The following VPS35L variants were observed in gnomAD, a reference collection of about 807,000 sequenced individuals.
The protein encoded by VPS35L is VPS35 endosomal protein sorting factor like, also known as VPS35 endosomal protein-sorting factor-like.
VPS35L carries 83 observed loss-of-function variants against 133.0 expected under a neutral mutation model. That is an observed-to-expected ratio of 0.62 (90% CI 0.52 to 0.75). The LOEUF (loss-of-function observed/expected upper bound fraction) is 0.75. VPS35L is among the 30% of genes least tolerant of loss of function. The pLI, the probability that VPS35L is intolerant of heterozygous loss-of-function variation, is 0.00. For synonymous variants in VPS35L, 423 were observed against 449.9 expected, an observed-to-expected ratio of 0.94 and a Z score of 0.76; for missense variants, 1,083 against 1,206.8, an observed-to-expected ratio of 0.90 and a Z score of 1.52.
chr16:19,584,204 C>G (rs1971792788), intron 7 of VPS35L, among the ~76,000 whole-genome samples: 1 of 152,192 alleles, frequency 6.6e-6, no homozygotes, highest in South Asian at 2.1e-4. Context: ...ATTTTCTTTT[C>G]TTTAGATGAT....
At position 19,580,565 on chromosome 16, in the gene VPS35L, G is replaced by A. The variant is rs148651205; in HGVS notation, c.511-960G>A. On this transcript the variant is annotated intron_variant, in intron 6 of 30. Transcript: ENST00000417362. ...CTTAACAATAGCCCAGGGTTAAGGA[G>A]CATTTACTGTGCGTCAGGGACCGTG... 4.6e-5 allele frequency among the ~76,000 whole-genome samples: 7 copies of A among 152,266 alleles called. No homozygotes were observed. The East Asian group carries it at 1.4e-3, about 29-fold the overall frequency.
chr16:19,588,045 C>G (rs1971927093), intron 7 of VPS35L, among the ~76,000 whole-genome samples: 1 of 151,486 alleles, frequency 6.6e-6, no homozygotes, highest in South Asian at 2.1e-4. Context: ...AGTGATCCAC[C>G]CACCTCGGCC....
At chr16:19,657,969 T>C (rs1974359011) in intron 26 of VPS35L, among the ~76,000 whole-genome samples, 1 of 152,140 alleles carries the variant, frequency 6.6e-6, no homozygotes, top group Non-Finnish European at 1.5e-5. Flanking sequence ...GCAGGGCAGA[T>C]GGCATCAAGC....
intron 9 of VPS35L, among the ~76,000 whole-genome samples, chr16:19,602,663 C>T (rs965525832): frequency 6.6e-5 from 10 of 152,092 alleles, no homozygotes; most frequent in Admixed American, 5.2e-4. Flanking sequence ...AGGGCAGTGG[C>T]ACAATCTTGG....
intron 2 of VPS35L, among the ~76,000 whole-genome samples, chr16:19,567,970 C>CAA (rs35555593): frequency 2.3e-4 from 26 of 113,180 alleles, no homozygotes; most frequent in Non-Finnish European, 4.6e-4. Context: ...ACCCTGTCTC[C>CAA]AAAAAAAAAA....
chr16:19,699,596 T>C lies in VPS35L; in HGVS notation c.2741T>C (p.Val914Ala), dbSNP rs1230505409. The C allele has an allele frequency of 6.2e-7, 1 of 1,614,120 alleles. No homozygotes were observed. The highest frequency in any genetic ancestry group is 1.1e-5 in the South Asian group (1 of 91,086). The change falls in exon 30 of 31, where the codon GTC becomes GCC. Residue 914 changes from valine to alanine, a missense_variant. By Grantham distance (64) the Val-to-Ala change is moderately conservative. Coordinates refer to ENST00000417362, the MANE Select transcript of VPS35L (RefSeq NM_020314.7). This position sits in a 1 kb window ranked among gnomAD's most constrained non-coding sequence, Gnocchi z 4.2. ...AACAACAAGCTCAACCAGCTCTCCG[T>C]CAACCTGTGGCACCTGGCACAGAGG... Reference protein sequence around the residue: ...LRNNKLNQLSVNLWHLAQRHG... With the variant: ...LRNNKLNQLSANLWHLAQRHG...
At chr16:19,586,088 G>A (rs1031904213) in intron 7 of VPS35L, among the ~76,000 whole-genome samples, 1 of 151,860 alleles carries the variant, frequency 6.6e-6, no homozygotes, top group South Asian at 2.1e-4. Flanking sequence ...TGTAGAAACG[G>A]AGGGTTTTAC....
At position 19,633,291 on chromosome 16, in the gene VPS35L, C is replaced by A; in HGVS notation, c.1635+119C>A. ...ATAATCCTGTGTTTGAATCATAGCTCTGCCATATCCTAGCCATGTGCCCTT... is the reference window on the plus strand; with the variant it reads ...ATAATCCTGTGTTTGAATCATAGCTATGCCATATCCTAGCCATGTGCCCTT... On this transcript the variant is annotated intron_variant, in intron 19 of 30. Transcript: ENST00000417362. This position sits in a 1 kb window ranked among gnomAD's most constrained non-coding sequence, Gnocchi z 4.1. The A allele has an allele frequency of 2.2e-6, 2 of 905,988 alleles. No individual in the cohort carries two copies. The highest frequency in any genetic ancestry group is 1.5e-5 in the South Asian group (1 of 68,882). The allele number at this position is 905,988 out of a possible 1,614,324, so 56.1% of individuals were successfully genotyped here.
chr16:19,637,691 G>A (rs375345877), intron 20 of VPS35L, 35 bp downstream of exon 20: 9 of 1,452,520 alleles, frequency 6.2e-6, no homozygotes, highest in Non-Finnish European at 8.5e-6. Flanking sequence ...TTGGAAATTT[G>A]TACCTGGCTC....
At chr16:19,575,909 A>T (rs1331071427) in intron 5 of VPS35L, among the ~76,000 whole-genome samples, 1 of 148,626 alleles carries the variant, frequency 6.7e-6, no homozygotes, top group East Asian at 2.0e-4. Flanking sequence ...TAATCCCAGC[A>T]GTTTGGGAGG....
In VPS35L at chr16:19,700,558, A is replaced by T; in HGVS notation, c.*82A>T. 1 of 1,174,524 alleles carries T rather than the reference A, an allele frequency of 8.5e-7. No individual in the cohort carries two copies. The highest frequency in any genetic ancestry group is 1.3e-5 in the South Asian group (1 of 76,790). 72.8% of individuals were successfully genotyped at this position (1,174,524 alleles called of 1,614,324 possible). ...TCTGCTGCCCTGAACTCTTACGGCA[A>T]TTTAGGTTTCTCATTTTTCTTTTCT... On this transcript the variant is annotated 3_prime_UTR_variant, in exon 31 of 31. Transcript: ENST00000417362.
At chr16:19,598,532 C>T (rs1972284923) in intron 8 of VPS35L, among the ~76,000 whole-genome samples, 1 of 151,952 alleles carries the variant, frequency 6.6e-6, no homozygotes. Flanking sequence ...ATCTGTAATC[C>T]CAGCACTTTG....
chr16:19,565,099 G>A, intron 2 of VPS35L, 149 bp downstream of exon 2: 1 of 558,472 alleles, frequency 1.8e-6, no homozygotes, highest in Non-Finnish European at 3.1e-6. Context: ...TGTCGCCCAG[G>A]CTGGAGTGCA....
At chr16:19,560,556 G>A (rs980551124) in intron 1 of VPS35L, among the ~76,000 whole-genome samples, 1 of 152,206 alleles carries the variant, frequency 6.6e-6, no homozygotes, top group Non-Finnish European at 1.5e-5. Context: ...AGCACTTTGG[G>A]AGGCCAAGGT....
intron 27 of VPS35L, among the ~76,000 whole-genome samples, chr16:19,670,045 A>G (rs926815503): frequency 1.3e-5 from 2 of 151,954 alleles, no homozygotes; most frequent in Non-Finnish European, 1.5e-5. Context: ...AGCTCACTGT[A>G]GCCTTGAACT....
chr16:19,586,369 C>T (rs1021839089), intron 7 of VPS35L, among the ~76,000 whole-genome samples: 2 of 151,830 alleles, frequency 1.3e-5, no homozygotes, highest in Non-Finnish European at 2.9e-5. Flanking sequence ...GACAGAGTTT[C>T]GCTCTCGTTG....
At chr16:19,700,029 C>T (rs11646891) in intron 30 of VPS35L, among the ~76,000 whole-genome samples, 31,187 of 152,020 alleles carry the variant, frequency 0.21, 3,568 homozygotes, top group African/African-American at 0.28. Context: ...CCCAGGAGTT[C>T]GAGGCTGCAG....
In VPS35L at chr16:19,618,724, A is replaced by G. The variant is rs115708567; in HGVS notation, c.1224+1916A>G. 3.4e-4 allele frequency among the ~76,000 whole-genome samples: 51 copies of G among 152,180 alleles called. 1 individual carries two copies. The highest frequency in any genetic ancestry group is 1.2e-3 in the African/African-American group (50 of 41,516). Reference sequence around the variant, plus strand: ...TTATCTGTAAAATGGGAGCAATATTAATGATTCCTATTTTCTAGTCCGTTG... The same window carrying G: ...TTATCTGTAAAATGGGAGCAATATTGATGATTCCTATTTTCTAGTCCGTTG... On this transcript the variant is annotated intron_variant, in intron 14 of 30. Coordinates refer to ENST00000417362, the MANE Select transcript of VPS35L (RefSeq NM_020314.7).
intron 4 of VPS35L, among the ~76,000 whole-genome samples, chr16:19,574,836 G>T (rs566961745): frequency 6.6e-6 from 1 of 152,230 alleles, no homozygotes; most frequent in Admixed American, 6.5e-5. Context: ...AGTGTAGAGG[G>T]TGATAAACCC....
Sources: allele counts gnomAD v4.1 joint callset (sites outside exome capture counted in the v4.1 genomes callset), GRCh38; gene constraint gnomAD v4.1.1; non-coding constraint Gnocchi (gnomAD v3.1); transcripts MANE v1.5; gene names NCBI Gene and HGNC (gene_info 2026-07-23, HGNC 2026-07-21).